Variants in DMXL1 observed in about 807,000 individuals in gnomAD.
DMXL1 encodes the protein dmX-like protein 1.
A neutral mutation model predicts 319.2 loss-of-function variants in DMXL1; 99 were observed. The ratio of observed to expected loss-of-function variants is 0.31; its 90% CI spans 0.26 to 0.37. The LOEUF is 0.37. DMXL1 is among the 10% of genes least tolerant of loss of function. DMXL1 has a pLI of 1.00. For synonymous variants in DMXL1, 1,385 were observed against 1,235.2 expected (o/e 1.12, Z -2.54); for missense variants, 3,745 against 3,595.6 (o/e 1.04, Z -1.06).
intron 1 of DMXL1, among the ~76,000 whole-genome samples, chr5:119,077,180 C>T (rs182104866): frequency 1.1e-4 from 17 of 152,116 alleles, no homozygotes; most frequent in Admixed American, 5.2e-4. Flanking sequence ...TTTTTTGAGG[C>T]AGGATCTTGT....
chr5:119,114,928 A>T (rs1760505506), intron 6 of DMXL1, among the ~76,000 whole-genome samples: 1 of 152,206 alleles, frequency 6.6e-6, no homozygotes, highest in African/African-American at 2.4e-5. Flanking sequence ...TCGGCCTCCC[A>T]AAGTGCTGAG....
chr5:119,077,888 C>T (rs200016209), intron 1 of DMXL1, among the ~76,000 whole-genome samples: 961 of 53,700 alleles, frequency 0.018, 15 homozygotes, highest in African/African-American at 0.037. Flanking sequence ...GATATATATA[C>T]ACACACACAC....
intron 23 of DMXL1, 67 bp downstream of exon 23, chr5:119,167,931 C>T: frequency 1.4e-6 from 2 of 1,462,550 alleles, no homozygotes; most frequent in Non-Finnish European, 1.9e-6. Context: ...GTGCAGATCA[C>T]TCTATTAGGT....
chr5:119,218,630 T>C (rs914848205), intron 35 of DMXL1, among the ~76,000 whole-genome samples: 1 of 152,066 alleles, frequency 6.6e-6, no homozygotes, highest in African/African-American at 2.4e-5. Flanking sequence ...CTAATTTTTG[T>C]ATTTTTAGTA....
chr5:119,206,366 A>C (rs1781744841), intron 33 of DMXL1: 1 of 152,192 alleles, frequency 6.6e-6, no homozygotes, highest in African/African-American at 2.4e-5. Context: ...TTCTGGCTTC[A>C]TCAGTGGAAG....
chr5:119,126,960 T>TA (rs1450378945), intron 9 of DMXL1: 2 of 140,830 alleles, frequency 1.4e-5, no homozygotes, highest in Non-Finnish European at 3.0e-5. Context: ...GTTTTTGAAC[T>TA]TTTTTTTTTT....
Position 119,133,619 on chromosome 5 carries a change from A to G in DMXL1, c.1695A>G (p.Lys565=), listed in dbSNP as rs769608630. 6.2e-7 allele frequency: 1 copy of G among 1,614,008 alleles called. No homozygotes were observed. The highest frequency in any genetic ancestry group is 8.5e-7 in the Non-Finnish European group (1 of 1,180,018). Residue 565 remains lysine (K), a synonymous_variant, in exon 12 of 44, where the codon AAA becomes AAG. Coordinates refer to ENST00000539542, the MANE Select transcript of DMXL1 (RefSeq NM_001290321.3). ...VDLAIQQGKQ[K]PSGLTRSTSM... Reference sequence around the variant, plus strand: ...TGGCTATTCAGCAGGGGAAACAAAAACCTTCTGGCCTCACCCGTTCCACAT... The same window carrying G: ...TGGCTATTCAGCAGGGGAAACAAAAGCCTTCTGGCCTCACCCGTTCCACAT...
intron 38 of DMXL1, among the ~76,000 whole-genome samples, chr5:119,230,393 G>A (rs1037802666): frequency 6.6e-6 from 1 of 152,068 alleles, no homozygotes; most frequent in African/African-American, 2.4e-5. Context: ...ATTTATATAA[G>A]TGCTTATTTT....
intron 10 of DMXL1, among the ~76,000 whole-genome samples, chr5:119,131,964 T>TA (rs1764996353): frequency 6.6e-6 from 1 of 152,238 alleles, no homozygotes; most frequent in South Asian, 2.1e-4. Context: ...AGATAAAACA[T>TA]AATCTGAAGA....
intron 3 of DMXL1, 108 bp downstream of exon 3, chr5:119,102,114 A>T: frequency 1.7e-6 from 1 of 582,768 alleles, no homozygotes; most frequent in Admixed American, 3.7e-5. Flanking sequence ...ATATACTGTA[A>T]TTGAACCTAC....
chr5:119,189,909 C>T (rs112453966), intron 29 of DMXL1, 23 bp downstream of exon 29: 6 of 1,580,074 alleles, frequency 3.8e-6, no homozygotes, highest in Non-Finnish European at 5.2e-6. Context: ...CTATCTAGAT[C>T]AATATTTTCA....
intron 28 of DMXL1, among the ~76,000 whole-genome samples, chr5:119,188,280 C>CA (rs1173483385): frequency 6.6e-6 from 1 of 151,474 alleles, no homozygotes; most frequent in East Asian, 1.9e-4. Context: ...AACATAAAAA[C>CA]AAAAACAGCC....
chr5:119,178,125 C>T lies in DMXL1; in HGVS notation c.7016C>T (p.Ser2339Leu), dbSNP rs1192494384. 1 of 1,613,944 alleles carries T rather than the reference C, an allele frequency of 6.2e-7. No individual in the cohort carries two copies. The highest frequency in any genetic ancestry group is 1.3e-5 in the African/African-American group (1 of 75,020). ...SLFIHGLATHSSNELFRIVAH... is the reference protein window; with the variant it reads ...SLFIHGLATHLSNELFRIVAH... ...TTCATCCATGGCCTGGCCACACATTCAAGTAATGAGCTATTTCGGATTGTG... is the reference window on the plus strand; with the variant it reads ...TTCATCCATGGCCTGGCCACACATTTAAGTAATGAGCTATTTCGGATTGTG... Residue 2339 changes from serine (S) to leucine (L), a missense_variant, in exon 28 of 44, where the codon TCA becomes TTA. Transcript: ENST00000539542.
Position 119,071,347 on chromosome 5 carries a change from C to A in DMXL1, c.-223C>A. 1 of 536,002 alleles carries A rather than the reference C, an allele frequency of 1.9e-6. No individual in the cohort carries two copies. The highest frequency in any genetic ancestry group is 3.3e-6 in the Non-Finnish European group (1 of 305,268). 33.2% of individuals were successfully genotyped at this position (536,002 alleles called of 1,614,324 possible). ...GTGACAGGTGCGCGAAGGAGCGCGG[C>A]GCTCCGCCCTCTCGCCGACCCGCCC... On this transcript the variant is annotated 5_prime_UTR_variant, in exon 1 of 44. Transcript: ENST00000539542.
At position 119,244,329 on chromosome 5, in the gene DMXL1, G is replaced by GT. The variant is rs758819605; in HGVS notation, c.8705-25dup. 8.4e-6 allele frequency: 13 copies of GT among 1,546,238 alleles called. No individual in the cohort carries two copies. The African/African-American group carries it at 1.5e-4, about 18-fold the overall frequency. The stretch of plus-strand genomic sequence containing the variant: ...AAGTCTATTTCTTTTATTGTTAAGT[G>GT]TTTTTGTTTTTTTTTTAATTTACTT... On this transcript the variant is annotated intron_variant, in intron 42 of 43. Coordinates refer to ENST00000539542, the MANE Select transcript of DMXL1 (RefSeq NM_001290321.3).
At chr5:119,196,631 T>G (rs1561850895) in intron 31 of DMXL1, among the ~76,000 whole-genome samples, 175 bp downstream of exon 31, 1 of 152,058 alleles carries the variant, frequency 6.6e-6, no homozygotes, top group African/African-American at 2.4e-5. Context: ...GTCATACTGT[T>G]AGGTGCTTGA....
At position 119,143,901 on chromosome 5, in the gene DMXL1, A is replaced by C; in HGVS notation, c.2437A>C (p.Ile813Leu). Residue 813 changes from isoleucine to leucine, a missense_variant, in exon 14 of 44, where the codon ATT becomes CTT. Transcript: ENST00000539542. ...ACAATCAACAGCCAGGCCAGGATGC[A>C]TTATTGCATTAGATCCCATTACCAA... ...SQQSTARPGC[I>L]IALDPITKLH... 6.3e-7 allele frequency: 1 copy of C among 1,586,726 alleles called. No individual in the cohort carries two copies. Among genetic ancestry groups the C allele is most frequent in the East Asian group, 2.3e-5 (1 of 43,392 alleles).
chr5:119,130,476 A>G (rs545939185), intron 10 of DMXL1, among the ~76,000 whole-genome samples: 2 of 151,836 alleles, frequency 1.3e-5, no homozygotes, highest in Non-Finnish European at 2.9e-5. Flanking sequence ...CCGAGTAGCT[A>G]GGATTACAGG....
chr5:119,163,810 C>T (rs1015731722), intron 19 of DMXL1, among the ~76,000 whole-genome samples: 49 of 152,194 alleles, frequency 3.2e-4, no homozygotes, highest in African/African-American at 1.2e-3. Context: ...CTCCTGACCT[C>T]GTGATCCGCC....
Sources: allele counts gnomAD v4.1 joint callset (sites outside exome capture counted in the v4.1 genomes callset), GRCh38; gene constraint gnomAD v4.1.1; transcripts MANE v1.5; gene names NCBI Gene and HGNC (gene_info 2026-07-23, HGNC 2026-07-21).